CPQ: variants seen among roughly 807,000 people sequenced by gnomAD.
CPQ encodes carboxypeptidase Q.
CPQ carries 37 observed loss-of-function variants against 45.7 expected under a neutral mutation model. The ratio of observed to expected loss-of-function variants is 0.81; its 90% CI spans 0.62 to 1.07. The LOEUF is 1.07. CPQ is among the 50% of genes least tolerant of loss of function. CPQ has a pLI of 0.00. For synonymous variants in CPQ, 186 were observed against 205.8 expected (o/e 0.90, Z 0.82); for missense variants, 537 against 572.9 (o/e 0.94, Z 0.64).
chr8:96,965,271 C>T (rs998867986), intron 4 of CPQ, among the ~76,000 whole-genome samples: 2 of 151,754 alleles, frequency 1.3e-5, no homozygotes, highest in African/African-American at 2.4e-5. Flanking sequence ...GGGACAGTTA[C>T]GAATGTGGTT....
chr8:96,791,755 CT>C (rs1810849159), intron 2 of CPQ, among the ~76,000 whole-genome samples: 1 of 152,146 alleles, frequency 6.6e-6, no homozygotes, highest in Non-Finnish European at 1.5e-5. Flanking sequence ...CAGAGCTTAT[CT>C]TCTAGCCTCT....
intron 1 of CPQ, among the ~76,000 whole-genome samples, chr8:96,694,265 C>T (rs78847786): frequency 1.5e-3 from 228 of 151,876 alleles, no homozygotes; most frequent in Middle Eastern, 0.014. Context: ...TAAGACCTTA[C>T]TTATCAGTAA....
chr8:96,949,256 A>AT (rs5893402), intron 4 of CPQ, among the ~76,000 whole-genome samples: 361 of 146,748 alleles, frequency 2.5e-3, no homozygotes, highest in Middle Eastern at 3.5e-3. Context: ...TGTTTTCTTG[A>AT]TTTTTTTTTT....
At chr8:96,679,711 A>G (rs1480803445) in intron 1 of CPQ, among the ~76,000 whole-genome samples, 2 of 149,964 alleles carry the variant, frequency 1.3e-5, no homozygotes, top group Non-Finnish European at 3.0e-5. Flanking sequence ...ATAGCTGTTT[A>G]TAATAGTCTC....
At chr8:97,090,138 G>A (rs548884699) in intron 7 of CPQ, among the ~76,000 whole-genome samples, 4 of 152,334 alleles carry the variant, frequency 2.6e-5, no homozygotes, top group Admixed American at 1.3e-4. Context: ...ACGAATGGAT[G>A]TTTGATGGAT....
intron 1 of CPQ, among the ~76,000 whole-genome samples, chr8:96,744,074 C>G (rs1367799596): frequency 6.6e-6 from 1 of 152,260 alleles, no homozygotes; most frequent in Non-Finnish European, 1.5e-5. Context: ...CCTCCCCCAG[C>G]CTCACTGCCA....
intron 5 of CPQ, among the ~76,000 whole-genome samples, chr8:96,976,019 C>T (rs1303749895): frequency 6.6e-6 from 1 of 151,932 alleles, no homozygotes; most frequent in East Asian, 1.9e-4. Flanking sequence ...ATATCAAGTG[C>T]ATCCCAATCA....
At chr8:97,139,963 T>C (rs1228371354) in intron 7 of CPQ, among the ~76,000 whole-genome samples, 3 of 151,826 alleles carry the variant, frequency 2.0e-5, no homozygotes, top group Non-Finnish European at 2.9e-5. Context: ...TCATCATTTT[T>C]TCTTTTTCTT....
chr8:96,650,363 G>A (rs1322294647), intron 1 of CPQ, among the ~76,000 whole-genome samples: 1 of 152,218 alleles, frequency 6.6e-6, no homozygotes, highest in Non-Finnish European at 1.5e-5. Flanking sequence ...TGATATAGTG[G>A]TATTAGACTT....
chr8:96,909,974 C>T lies in CPQ; in HGVS notation c.849+29969C>T, dbSNP rs1586447739. ...TTGTGTAGTGCTCGACCAGGTTGAG[C>T]ACGGGATTTGGAGTCAGCAGAACAG... On this transcript the variant is annotated intron_variant, in intron 4 of 7. Transcript: ENST00000220763. 1.3e-5 allele frequency among the ~76,000 whole-genome samples: 2 copies of T among 152,084 alleles called. 1 individual carries two copies. The highest frequency in any genetic ancestry group is 3.9e-4 in the East Asian group (2 of 5,158).
intron 7 of CPQ, among the ~76,000 whole-genome samples, chr8:97,119,677 T>C (rs954090576): frequency 6.6e-6 from 1 of 152,178 alleles, no homozygotes; most frequent in Non-Finnish European, 1.5e-5. Context: ...GGGGGATTAC[T>C]TAGAACAGCG....
At chr8:97,135,009 A>G (rs1176414615) in intron 7 of CPQ, among the ~76,000 whole-genome samples, 1 of 152,162 alleles carries the variant, frequency 6.6e-6, no homozygotes, top group Non-Finnish European at 1.5e-5. Context: ...TTACCACCTT[A>G]CAGAGATGAC....
intron 4 of CPQ, among the ~76,000 whole-genome samples, chr8:96,898,994 G>T (rs1812479990): frequency 6.6e-6 from 1 of 152,098 alleles, no homozygotes; most frequent in Admixed American, 6.6e-5. Flanking sequence ...AACGTCAAAT[G>T]TGAAACAGAG....
intron 4 of CPQ, among the ~76,000 whole-genome samples, chr8:96,942,023 G>A (rs552503013): frequency 6.6e-6 from 1 of 152,194 alleles, no homozygotes; most frequent in South Asian, 2.1e-4. Context: ...TATATGAGCT[G>A]GAATGTTTAT....
intron 6 of CPQ, among the ~76,000 whole-genome samples, chr8:97,031,562 A>G (rs945072193): frequency 1.3e-5 from 2 of 152,198 alleles, no homozygotes; most frequent in African/African-American, 4.8e-5. Flanking sequence ...AAATTTTATC[A>G]TCACTGAAAT....
At chr8:97,015,762 T>G (rs549705610) in intron 5 of CPQ, among the ~76,000 whole-genome samples, 1 of 152,182 alleles carries the variant, frequency 6.6e-6, no homozygotes, top group African/African-American at 2.4e-5. Context: ...GTCCCAAGAA[T>G]AAAATCCTTA....
At position 96,879,702 on chromosome 8, in the gene CPQ, A is replaced by G. The variant is rs533696560; in HGVS notation, c.642-96A>G. The G allele has an allele frequency of 1.9e-4, 150 of 803,482 alleles. No homozygotes were observed. In the African/African-American group the frequency reaches 2.1e-3, roughly 11 times the overall value. The allele number at this position is 803,482 out of a possible 1,614,324, so 49.8% of individuals were successfully genotyped here. A position where few individuals can be genotyped will look rare whatever the true frequency, so the allele number is the denominator to read the frequency against. ...TCCTGTTTCCCAGATGCAAACAAAG[A>G]TAAGTGGAAGTTAAATATCAATATA... On this transcript the variant is annotated intron_variant, in intron 3 of 7. Transcript: ENST00000220763.
At chr8:97,133,763 G>T (rs185084626) in intron 7 of CPQ, among the ~76,000 whole-genome samples, 132 of 152,290 alleles carry the variant, frequency 8.7e-4, no homozygotes, top group Non-Finnish European at 1.5e-3. Context: ...AAGTTGACAT[G>T]TAACTTCACT....
At chr8:97,123,004 T>C (rs11779654) in intron 7 of CPQ, among the ~76,000 whole-genome samples, 924 of 16,826 alleles carry the variant, frequency 0.055, 79 homozygotes, top group Non-Finnish European at 0.074. Flanking sequence ...AAATAAAATA[T>C]AAAATAAAAT....
Sources: allele counts gnomAD v4.1 joint callset (sites outside exome capture counted in the v4.1 genomes callset), GRCh38; gene constraint gnomAD v4.1.1; transcripts MANE v1.5; gene names NCBI Gene and HGNC (gene_info 2026-07-23, HGNC 2026-07-21).